The following NR2E3 variants were observed in gnomAD, a reference collection of about 807,000 sequenced individuals.
The protein encoded by NR2E3 is photoreceptor-specific nuclear receptor.
A neutral mutation model predicts 37.6 loss-of-function variants in NR2E3; 38 were observed. The ratio of observed to expected loss-of-function variants is 1.01; its 90% CI spans 0.78 to 1.33. NR2E3 has a LOEUF of 1.33. NR2E3 is among the 40% of genes most tolerant of loss of function. The pLI, the probability that NR2E3 is intolerant of heterozygous loss-of-function variation, is 0.00. For missense variants in NR2E3, 562 were observed against 558.7 expected, an observed-to-expected ratio of 1.01 and a Z score of -0.06; for synonymous variants, 235 against 225.1, an observed-to-expected ratio of 1.04 and a Z score of -0.39.
At position 71,818,002 on chromosome 15, in the gene NR2E3, G is replaced by T. The variant is rs901049049; in HGVS notation, c.*318G>T. ...GTTGAATGAAAGAAGCCAGGCCGAAGTTCCATTTATGCAGAGTTCAGGAAC... is the reference window on the plus strand; with the variant it reads ...GTTGAATGAAAGAAGCCAGGCCGAATTTCCATTTATGCAGAGTTCAGGAAC... On this transcript the variant is annotated 3_prime_UTR_variant, in exon 8 of 8. Coordinates refer to ENST00000617575, the MANE Select transcript of NR2E3 (RefSeq NM_014249.4). 24 of 190,458 alleles carry T rather than the reference G, an allele frequency of 1.3e-4. No homozygotes were observed. The highest frequency in any genetic ancestry group is 2.8e-4 in the South Asian group (2 of 7,184). 11.8% of individuals were successfully genotyped at this position (190,458 alleles called of 1,614,324 possible). A position where few individuals can be genotyped will look rare whatever the true frequency, so the allele number is the denominator to read the frequency against.
At chr15:71,817,504 T>A (rs770767681) in intron 7 of NR2E3, 48 bp from the exon 8 acceptor site, 27 of 1,555,106 alleles carry the variant, frequency 1.7e-5, no homozygotes, top group Non-Finnish European at 2.4e-5. Context: ...CAGGGACTAG[T>A]GCTCAGAAGC....
At position 71,813,906 on chromosome 15, in the gene NR2E3, G is replaced by A. The variant is rs2054207005; in HGVS notation, c.995-106G>A. On this transcript the variant is annotated intron_variant, in intron 6 of 7. Coordinates refer to ENST00000617575, the MANE Select transcript of NR2E3 (RefSeq NM_014249.4). This position sits in a 1 kb window ranked among gnomAD's most constrained non-coding sequence, Gnocchi z 4.7. ...GGGCCTGGCAGAGCCCACCCCACAG[G>A]GCCCCAGGTCCATGTCTGCAGCCAG... is the stretch of plus-strand genomic sequence containing the variant. The A allele has an allele frequency of 1.3e-6, 2 of 1,539,182 alleles. No homozygotes were observed. The highest frequency in any genetic ancestry group is 1.4e-5 in the African/African-American group (1 of 73,102).
intron 7 of NR2E3, among the ~76,000 whole-genome samples, chr15:71,816,427 A>AT (rs1397961812): frequency 6.6e-6 from 1 of 151,486 alleles, no homozygotes; most frequent in Non-Finnish European, 1.5e-5. Flanking sequence ...CGCCCGGCTA[A>AT]TTTTTTGTAT....
At chr15:71,817,028 TA>T (rs2054231496) in intron 7 of NR2E3, among the ~76,000 whole-genome samples, 2 of 152,022 alleles carry the variant, frequency 1.3e-5, no homozygotes, top group Non-Finnish European at 2.9e-5. Flanking sequence ...CTAAACTAAA[TA>T]GAGGGTGGCG....
At chr15:71,812,869 G>C (rs910835975) in intron 5 of NR2E3, among the ~76,000 whole-genome samples, 1 of 152,150 alleles carries the variant, frequency 6.6e-6, no homozygotes, top group East Asian at 1.9e-4. Flanking sequence ...CAGGCTGAGT[G>C]GCTGACTCTA....
chr15:71,810,711 T>C lies in NR2E3; in HGVS notation c.-33T>C. 6.4e-7 allele frequency: 1 copy of C among 1,552,170 alleles called. No individual in the cohort carries two copies. The highest frequency in any genetic ancestry group is 8.7e-7 in the Non-Finnish European group (1 of 1,147,702). The stretch of plus-strand genomic sequence containing the variant: ...TGGGCCAGGCTCAGCAACCCAGGCC[T>C]CCCGCAGGCAGGCAGAGGCTGCCCT... On this transcript the variant is annotated 5_prime_UTR_variant, in exon 1 of 8. Coordinates refer to ENST00000617575, the MANE Select transcript of NR2E3 (RefSeq NM_014249.4).
chr15:71,814,835 T>C (rs774572874), intron 7 of NR2E3: 5 of 985,622 alleles, frequency 5.1e-6, no homozygotes, highest in Non-Finnish European at 6.0e-6. Flanking sequence ...TCTTTGGGCA[T>C]GGCCAGGGGA....
Position 71,818,091 on chromosome 15 carries a change from G to C in NR2E3, c.*407G>C, listed in dbSNP as rs1397698294. 4 of 157,862 alleles carry C rather than the reference G, an allele frequency of 2.5e-5. No individual in the cohort carries two copies. Among genetic ancestry groups the C allele is most frequent in the Admixed American group, 2.5e-4 (4 of 16,306 alleles). 9.8% of individuals were successfully genotyped at this position (157,862 alleles called of 1,614,324 possible). On this transcript the variant is annotated 3_prime_UTR_variant, in exon 8 of 8. Transcript: ENST00000617575. ...GGTTACTTCTGGGTGGTGGGGGATT[G>C]ATACAGAGGGGGCTCATGGGAGCCC...
At position 71,817,731 on chromosome 15, in the gene NR2E3, C is replaced by T; in HGVS notation, c.*47C>T. 2 of 1,539,030 alleles carry T rather than the reference C, an allele frequency of 1.3e-6. No homozygotes were observed. The highest frequency in any genetic ancestry group is 1.2e-5 in the South Asian group (1 of 85,756). The stretch of plus-strand genomic sequence containing the variant: ...TCCAAGCACTCTGGAAAACAATCTA[C>T]TGAAACGAAACATTTGCCTACTCTT... On this transcript the variant is annotated 3_prime_UTR_variant, in exon 8 of 8. Transcript: ENST00000617575.
rs1595956783 is a variant in NR2E3 at position 71,812,649 on chromosome 15, A to T, written c.747+138A>T. 1.1e-5 allele frequency: 8 copies of T among 752,968 alleles called. No homozygotes were observed. In the East Asian group the frequency reaches 2.2e-4, roughly 21 times the overall value. The allele number at this position is 752,968 out of a possible 1,614,324, so 46.6% of individuals were successfully genotyped here. ...TGGATGGTGATGGCTGGGGACACAC[A>T]TACCTCTGATTCAGCGATGGCTGGG... On this transcript the variant is annotated intron_variant, in intron 5 of 7. Coordinates refer to ENST00000617575, the MANE Select transcript of NR2E3 (RefSeq NM_014249.4).
In NR2E3 at chr15:71,813,339, G is replaced by T; in HGVS notation, c.748-50G>T. Reference sequence around the variant, plus strand: ...GATGGTGGCAGAGGCTCCAGACTGAGCCAGAGAAGCTGTGTGTCTGCCATA... The same window carrying T: ...GATGGTGGCAGAGGCTCCAGACTGATCCAGAGAAGCTGTGTGTCTGCCATA... On this transcript the variant is annotated intron_variant, in intron 5 of 7. Coordinates refer to ENST00000617575, the MANE Select transcript of NR2E3 (RefSeq NM_014249.4). The surrounding 1 kb of genome is among the most constrained non-coding windows in gnomAD (Gnocchi z 4.7). The T allele has an allele frequency of 6.3e-7, 1 of 1,590,082 alleles. No homozygotes were observed. Among genetic ancestry groups the T allele is most frequent in the East Asian group, 2.3e-5 (1 of 43,916 alleles).
chr15:71,811,868 C>T lies in NR2E3; in HGVS notation c.348C>T (p.Asp116=), dbSNP rs374499278. ...KKCLQAGMNQ[D]AVQNERQPRS... is the part of the protein sequence containing the mutation. ...GCCTGCAGGCGGGGATGAACCAGGA[C>T]GGTGAGGCGGGGGCTGGCCCGGGGG... Residue 116 remains aspartate, a splice_region_variant and synonymous_variant, in exon 3 of 8, where the codon GAC becomes GAT. Transcript: ENST00000617575. This position sits in a 1 kb window ranked among gnomAD's most constrained non-coding sequence, Gnocchi z 5.6. 37 of 1,550,972 alleles carry T rather than the reference C, an allele frequency of 2.4e-5. No individual in the cohort carries two copies. Among genetic ancestry groups the T allele is most frequent in the East Asian group, 2.0e-4 (8 of 40,914 alleles).
intron 7 of NR2E3, among the ~76,000 whole-genome samples, chr15:71,817,137 A>C (rs1025162517): frequency 6.7e-5 from 9 of 134,996 alleles, no homozygotes; most frequent in Non-Finnish European, 1.1e-4. Context: ...CTTGCTCTGT[A>C]GCCGAGGCTG....
At position 71,816,088 on chromosome 15, in the gene NR2E3, G is replaced by A. The variant is rs540547610; in HGVS notation, c.1101-1464G>A. 7.2e-5 allele frequency among the ~76,000 whole-genome samples: 11 copies of A among 152,144 alleles called. No homozygotes were observed. The East Asian group carries it at 1.6e-3, about 21-fold the overall frequency. On this transcript the variant is annotated intron_variant, in intron 7 of 7. Coordinates refer to ENST00000617575, the MANE Select transcript of NR2E3 (RefSeq NM_014249.4). ...ACTGAGTGGTGGGGAAGTCTTCCCC[G>A]AAATTCACGGTGAGAGGAGCATGGG... is the stretch of plus-strand genomic sequence containing the variant.
chr15:71,816,095 AC>A (rs1260851873), intron 7 of NR2E3, among the ~76,000 whole-genome samples: 2 of 152,068 alleles, frequency 1.3e-5, no homozygotes, highest in African/African-American at 4.8e-5. Context: ...CCCGAAATTC[AC>A]GGTGAGAGGA....
At chr15:71,816,019 A>G (rs1217222708) in intron 7 of NR2E3, among the ~76,000 whole-genome samples, 1 of 152,176 alleles carries the variant, frequency 6.6e-6, no homozygotes, top group Non-Finnish European at 1.5e-5. Flanking sequence ...GGCACTAGCA[A>G]GAGAAAGGAA....
intron 7 of NR2E3, chr15:71,814,556 C>T: frequency 1.0e-6 from 1 of 965,158 alleles, no homozygotes; most frequent in Non-Finnish European, 1.2e-6. Context: ...CAGGAGCCCA[C>T]TTTGAAGGTA....
rs900547 is a variant in NR2E3 at position 71,811,876 on chromosome 15, C to G, written c.349+7C>G. ...GCGGGGATGAACCAGGACGGTGAGG[C>G]GGGGGCTGGCCCGGGGGGAGGTGAC... is the stretch of plus-strand genomic sequence containing the variant. On this transcript the variant is annotated splice_region_variant and intron_variant, in intron 3 of 7. Coordinates refer to ENST00000617575, the MANE Select transcript of NR2E3 (RefSeq NM_014249.4). The surrounding 1 kb of genome is among the most constrained non-coding windows in gnomAD (Gnocchi z 5.6). 5 of 1,550,504 alleles carry G rather than the reference C, an allele frequency of 3.2e-6. No homozygotes were observed. The highest frequency in any genetic ancestry group is 8.7e-7 in the Non-Finnish European group (1 of 1,146,718).
Position 71,817,710 on chromosome 15 carries a change from A to G in NR2E3, c.*26A>G. Reference sequence around the variant, plus strand: ...TGGGGGTGGAGGTGAAATGTTTCCAAGCACTCTGGAAAACAATCTACTGAA... The same window carrying G: ...TGGGGGTGGAGGTGAAATGTTTCCAGGCACTCTGGAAAACAATCTACTGAA... On this transcript the variant is annotated 3_prime_UTR_variant, in exon 8 of 8. Coordinates refer to ENST00000617575, the MANE Select transcript of NR2E3 (RefSeq NM_014249.4). 1 of 1,573,238 alleles carries G rather than the reference A, an allele frequency of 6.4e-7. No homozygotes were observed.
Sources: allele counts gnomAD v4.1 joint callset (sites outside exome capture counted in the v4.1 genomes callset), GRCh38; gene constraint gnomAD v4.1.1; non-coding constraint Gnocchi (gnomAD v3.1); transcripts MANE v1.5; gene names NCBI Gene and HGNC (gene_info 2026-07-23, HGNC 2026-07-21).